Variants in GLP2R observed in about 807,000 individuals in gnomAD.
The protein encoded by GLP2R is glucagon-like peptide 2 receptor.
In GLP2R, 59 loss-of-function variants were observed where a neutral mutation model predicts 68.2. The observed-to-expected ratio is 0.87, with a 90% confidence interval of 0.70 to 1.07. The LOEUF (loss-of-function observed/expected upper bound fraction) is 1.07. GLP2R is among the 50% of genes least tolerant of loss of function. The probability of loss-of-function intolerance (pLI) is 0.00; values close to 1 mark genes in which losing one functional copy is unlikely to be tolerated. For missense variants in GLP2R, 548 were observed against 677.4 expected, an observed-to-expected ratio of 0.81 and a Z score of 2.12; for synonymous variants, 270 against 265.4, an observed-to-expected ratio of 1.02 and a Z score of -0.17.
Position 9,890,096 on chromosome 17 carries a change from G to A in GLP2R, c.*391G>A, listed in dbSNP as rs1262909161. The A allele has an allele frequency of 1.5e-5, 7 of 458,186 alleles. No individual in the cohort carries two copies. The highest frequency in any genetic ancestry group is 1.2e-4 in the Admixed American group (5 of 42,210). 28.4% of individuals were successfully genotyped at this position (458,186 alleles called of 1,614,324 possible). A position where few individuals can be genotyped will look rare whatever the true frequency, so the allele number is the denominator to read the frequency against. ...CCATCTGAGGTTGGGTTTAGGGTGC[G>A]TGAAAACCTCCTAGGAAGCTTTTAA... On this transcript the variant is annotated 3_prime_UTR_variant, in exon 13 of 13. Transcript: ENST00000262441.
chr17:9,827,960 CAA>C (rs368157136), intron 1 of GLP2R, among the ~76,000 whole-genome samples: 35 of 73,876 alleles, frequency 4.7e-4, no homozygotes, highest in South Asian at 1.4e-3. Flanking sequence ...GGATCTGTCT[CAA>C]AAAAAAAAAA....
chr17:9,865,831 C>T, intron 9 of GLP2R: 1 of 471,200 alleles, frequency 2.1e-6, no homozygotes, highest in South Asian at 1.5e-5. Context: ...TCTGTGTCTA[C>T]AGGCACTTGG....
At chr17:9,841,098 C>CCTCT (rs201270394) in intron 3 of GLP2R, among the ~76,000 whole-genome samples, 4,474 of 151,140 alleles carry the variant, frequency 0.03, 85 homozygotes, top group East Asian at 0.076. Context: ...CTCACTGCAA[C>CCTCT]CTCTGCCTCC....
chr17:9,862,196 A>G (rs2066993803), intron 9 of GLP2R, 106 bp downstream of exon 9: 1 of 804,668 alleles, frequency 1.2e-6, no homozygotes, highest in Non-Finnish European at 2.2e-6. Flanking sequence ...CCCTTGAGAG[A>G]GAGAAGCTGA....
chr17:9,884,504 C>G (rs2067224594), intron 11 of GLP2R, among the ~76,000 whole-genome samples: 1 of 152,146 alleles, frequency 6.6e-6, no homozygotes, highest in Non-Finnish European at 1.5e-5. Flanking sequence ...CCAGGAGACA[C>G]CAAGTTCCCT....
chr17:9,849,675 T>G (rs1597385651), intron 4 of GLP2R, among the ~76,000 whole-genome samples: 1 of 139,228 alleles, frequency 7.2e-6, no homozygotes. Flanking sequence ...TGCAGTGGCG[T>G]GATCTCGGCT....
intron 2 of GLP2R, 52 bp downstream of exon 2, chr17:9,833,946 T>C: frequency 8.7e-7 from 1 of 1,150,314 alleles, no homozygotes; most frequent in East Asian, 2.4e-5. Context: ...GCCCCAAAGC[T>C]TAGCGGCTCA....
At chr17:9,840,952 G>A (rs1207818514) in intron 3 of GLP2R, among the ~76,000 whole-genome samples, 4 of 151,930 alleles carry the variant, frequency 2.6e-5, no homozygotes, top group Non-Finnish European at 5.9e-5. Context: ...CTTCGTGAAA[G>A]GCCAGAAGAC....
intron 9 of GLP2R, among the ~76,000 whole-genome samples, chr17:9,868,924 C>T (rs1008829428): frequency 6.6e-6 from 1 of 152,190 alleles, no homozygotes; most frequent in Non-Finnish European, 1.5e-5. Flanking sequence ...AACGTTTTCT[C>T]TTTATGATGA....
At chr17:9,873,477 G>A (rs1458674474) in intron 10 of GLP2R, among the ~76,000 whole-genome samples, 1 of 151,266 alleles carries the variant, frequency 6.6e-6, no homozygotes, top group African/African-American at 2.4e-5. Context: ...ACCTCACAGA[G>A]CAGCCGTGTC....
At chr17:9,844,668 CT>C (rs71139004) in intron 4 of GLP2R, among the ~76,000 whole-genome samples, 19 of 44,302 alleles carry the variant, frequency 4.3e-4, no homozygotes, top group Admixed American at 1.0e-3. Context: ...CTACCTAATT[CT>C]TTTTTTTTTT....
intron 5 of GLP2R, among the ~76,000 whole-genome samples, chr17:9,857,131 A>G (rs8077644): frequency 0.28 from 42,170 of 152,010 alleles, 9,690 homozygotes; most frequent in African/African-American, 0.62. Context: ...CATGTTGGCC[A>G]GGGTGGTCTC....
At chr17:9,828,367 G>T (rs960555955) in intron 1 of GLP2R, among the ~76,000 whole-genome samples, 7 of 152,190 alleles carry the variant, frequency 4.6e-5, no homozygotes, top group African/African-American at 1.7e-4. Context: ...GGGAGGGTTG[G>T]TTCAGAACAT....
chr17:9,879,266 TAA>T (rs201827148), intron 10 of GLP2R, among the ~76,000 whole-genome samples: 411 of 12,802 alleles, frequency 0.032, no homozygotes, highest in South Asian at 0.068. Context: ...TAAAATAAAA[TAA>T]AATAAAATAA....
chr17:9,852,053 T>TGA (rs1342451665), intron 4 of GLP2R, among the ~76,000 whole-genome samples: 1 of 117,870 alleles, frequency 8.5e-6, no homozygotes, highest in Non-Finnish European at 1.7e-5. Context: ...CATTTGTTTT[T>TGA]TTTTTTGTTT....
chr17:9,856,890 G>A (rs563706975), intron 5 of GLP2R, among the ~76,000 whole-genome samples: 9 of 152,224 alleles, frequency 5.9e-5, no homozygotes, highest in African/African-American at 1.7e-4. Flanking sequence ...TTTGGAACAC[G>A]GCTGGCATGT....
rs780830631 is a variant in GLP2R at position 9,890,031 on chromosome 17, A to G, written c.*326A>G. ...AGAGGTCTCCTGTTATAGAGAAGCC[A>G]GCCAATATCTCTTCCTTTATCCCTT... On this transcript the variant is annotated 3_prime_UTR_variant, in exon 13 of 13. Transcript: ENST00000262441. 1 of 481,228 alleles carries G rather than the reference A, an allele frequency of 2.1e-6. No individual in the cohort carries two copies. The highest frequency in any genetic ancestry group is 1.5e-5 in the South Asian group (1 of 64,752). The allele number at this position is 481,228 out of a possible 1,614,324, so 29.8% of individuals were successfully genotyped here. A position where few individuals can be genotyped will look rare whatever the true frequency, so the allele number is the denominator to read the frequency against.
At chr17:9,883,925 A>C (rs1304360901) in intron 11 of GLP2R, among the ~76,000 whole-genome samples, 2 of 152,228 alleles carry the variant, frequency 1.3e-5, no homozygotes, top group African/African-American at 4.8e-5. Context: ...GAAATAAAAA[A>C]CAGTGGAAAA....
chr17:9,879,272 AAAATAAAATAAAATAAAAT>A (rs541459916), intron 10 of GLP2R, among the ~76,000 whole-genome samples: 2,804 of 25,726 alleles, frequency 0.11, 157 homozygotes, highest in African/African-American at 0.37. Context: ...AAAATAAAAT[AAAATAAAATAAAATAAAAT>A]AAATAAAATA....
Sources: allele counts gnomAD v4.1 joint callset (sites outside exome capture counted in the v4.1 genomes callset), GRCh38; gene constraint gnomAD v4.1.1; transcripts MANE v1.5; gene names NCBI Gene and HGNC (gene_info 2026-07-23, HGNC 2026-07-21).